Variants in EMSY observed in about 807,000 individuals in gnomAD.
EMSY encodes BRCA2-interacting transcriptional repressor EMSY.
EMSY carries 26 observed loss-of-function variants against 134.6 expected under a neutral mutation model. The observed-to-expected ratio is 0.19, with a 90% CI of 0.14 to 0.27. EMSY has a LOEUF of 0.27. Ranked by LOEUF, EMSY falls within the 10% of genes least tolerant of loss-of-function variation. EMSY has a pLI of 1.00. For missense variants in EMSY, 1,305 were observed against 1,611.4 expected, an observed-to-expected ratio of 0.81 and a Z score of 3.26; for synonymous variants, 579 against 577.8, an observed-to-expected ratio of 1.00 and a Z score of -0.03.
intron 7 of EMSY, among the ~76,000 whole-genome samples, chr11:76,469,902 A>C (rs1948506152): frequency 6.6e-6 from 1 of 152,214 alleles, no homozygotes; most frequent in African/African-American, 2.4e-5. Context: ...TTGCTGATCA[A>C]GTCTATCTAT....
chr11:76,463,640 A>G (rs893782114), intron 6 of EMSY, among the ~76,000 whole-genome samples, 181 bp from the exon 8 acceptor site: 12 of 151,184 alleles, frequency 7.9e-5, no homozygotes, highest in Admixed American at 2.6e-4. Flanking sequence ...AAAAAAAAAA[A>G]AAAAAAAAGA....
rs1202401437 is a variant in EMSY, at chr11:76,458,361, G to A, written c.421+3G>A. ...TGCAGAAACAGGAAGCAAGGAAGGT[G>A]AGTAGAAAAATATGCCTGTGTTAGA... On this transcript the variant is annotated splice_donor_region_variant and intron_variant, in intron 5 of 20. Coordinates refer to ENST00000334736, the Ensembl canonical transcript of EMSY. The A allele has an allele frequency of 5.6e-6, 9 of 1,595,472 alleles. No individual in the cohort carries two copies. Among genetic ancestry groups the A allele is most frequent in the East Asian group, 2.3e-5 (1 of 44,144 alleles).
At chr11:76,536,106 A>G (rs1565357778) in intron 15 of EMSY, 47 bp downstream of exon 16, 5 of 1,305,532 alleles carry the variant, frequency 3.8e-6, no homozygotes, top group Non-Finnish European at 5.0e-6. Context: ...TTCTCTAGAG[A>G]CGGGTTGTGC....
Position 76,539,589 on chromosome 11 carries a change from A to T in EMSY, c.2516-10A>T. ...AAGACTATGATTTCTTCCCTTACTT[A>T]TCCTTTCAGAACGCACTGATGAGGG... On this transcript the variant is annotated splice_polypyrimidine_tract_variant and intron_variant, in intron 16 of 20. Transcript: ENST00000334736. 1.2e-6 allele frequency: 2 copies of T among 1,613,610 alleles called. No homozygotes were observed. Among genetic ancestry groups the T allele is most frequent in the Non-Finnish European group, 1.7e-6 (2 of 1,179,578 alleles).
intron 12 of EMSY, 63 bp from the exon 14 acceptor site, chr11:76,526,399 G>A: frequency 8.0e-7 from 1 of 1,254,916 alleles, no homozygotes; most frequent in Non-Finnish European, 1.1e-6. Flanking sequence ...TGATTTTTCA[G>A]TGAGAGGACT....
chr11:76,484,676 T>C (rs1299895675), intron 8 of EMSY, among the ~76,000 whole-genome samples: 1 of 152,172 alleles, frequency 6.6e-6, no homozygotes, highest in Non-Finnish European at 1.5e-5. Flanking sequence ...GGCTCATGCC[T>C]GTAACCTGCA....
intron 2 of EMSY, among the ~76,000 whole-genome samples, chr11:76,450,190 A>G (rs1947601053): frequency 1.3e-5 from 2 of 151,916 alleles, no homozygotes; most frequent in South Asian, 2.1e-4. Context: ...ACCATTTGGT[A>G]TATATAATGG....
exon 19 of EMSY, chr11:76,544,812 C>T (rs539816008): frequency 1.9e-5 from 31 of 1,613,862 alleles, no homozygotes; most frequent in Middle Eastern, 1.7e-4. Context: ...GAGAAACAGA[C>T]GGCAAGCCAG....
chr11:76,471,991 G>A (rs1013273873), intron 7 of EMSY, among the ~76,000 whole-genome samples: 2 of 152,080 alleles, frequency 1.3e-5, no homozygotes, highest in African/African-American at 4.8e-5. Context: ...TTACTGAGAG[G>A]TCTTTATTGA....
At chr11:76,450,779 A>C (rs915608642) in intron 2 of EMSY, among the ~76,000 whole-genome samples, 4 of 142,654 alleles carry the variant, frequency 2.8e-5, no homozygotes, top group Non-Finnish European at 6.0e-5. Context: ...GGTGTGAGCC[A>C]TGAAGCCTGG....
At chr11:76,496,155 G>C (rs74680029) in intron 8 of EMSY, 60 bp from the exon 10 acceptor site, 59,869 of 1,514,978 alleles carry the variant, frequency 0.04, 1,313 homozygotes, top group Non-Finnish European at 0.045. Context: ...ATAATAACCA[G>C]AAGTAACTTT....
Position 76,526,690 on chromosome 11 carries a change from T to C in EMSY, c.1995+55T>C, listed in dbSNP as rs1047568986. 2.8e-5 allele frequency: 40 copies of C among 1,442,554 alleles called. No individual in the cohort carries two copies. The Admixed American group carries it at 8.0e-4, about 29-fold the overall frequency. 89.4% of individuals were successfully genotyped at this position (1,442,554 alleles called of 1,614,324 possible). ...GGCTCTTAAATATTTTCAATTCTTA[T>C]AATTCCCGGGTAGAAATTTGAAGGA... On this transcript the variant is annotated intron_variant, in intron 13 of 20. Transcript: ENST00000334736.
chr11:76,446,878 CT>C (rs367735381), intron 1 of EMSY, 21 bp from the exon 2 acceptor site: 55,762 of 1,021,612 alleles, frequency 0.055, no homozygotes, highest in South Asian at 0.081. Flanking sequence ...GGTAATTTGA[CT>C]TTTTTTTTTT....
chr11:76,524,890 C>T (rs906143438), intron 12 of EMSY, among the ~76,000 whole-genome samples: 5 of 152,098 alleles, frequency 3.3e-5, no homozygotes, highest in Non-Finnish European at 7.4e-5. Context: ...TGAAGGTGTG[C>T]ACCTATAGTC....
chr11:76,520,241 G>GC (rs1038998495), intron 11 of EMSY, among the ~76,000 whole-genome samples: 37 of 151,004 alleles, frequency 2.5e-4, no homozygotes, highest in East Asian at 5.8e-4. Flanking sequence ...TCTGACATTT[G>GC]CCCCCCCACC....
chr11:76,523,402 GT>G, intron 12 of EMSY, 111 bp downstream of exon 13: 1 of 1,209,440 alleles, frequency 8.3e-7, no homozygotes, highest in Non-Finnish European at 1.1e-6. Context: ...GAATGGCTTG[GT>G]TTACCACTGC....
chr11:76,545,871 T>G (rs1591031550), exon 20 of EMSY: 12 of 1,614,170 alleles, frequency 7.4e-6, no homozygotes, highest in Non-Finnish European at 1.0e-5. Context: ...CTCCCACAGT[T>G]ACAAAGATAA....
intron 8 of EMSY, among the ~76,000 whole-genome samples, chr11:76,480,616 A>G (rs938003283): frequency 2.6e-5 from 4 of 152,014 alleles, no homozygotes; most frequent in Non-Finnish European, 5.9e-5. Flanking sequence ...TTCTTGGGGG[A>G]GTTGCTGGCA....
intron 9 of EMSY, among the ~76,000 whole-genome samples, chr11:76,507,709 A>G (rs1950128115): frequency 6.6e-6 from 1 of 152,126 alleles, no homozygotes; most frequent in South Asian, 2.1e-4. Context: ...TAATGTTGAT[A>G]TTTTGACCTC....
Sources: gnomAD v4.1 joint callset for allele counts (sites outside exome capture counted in the v4.1 genomes callset) on GRCh38, gnomAD v4.1.1 for gene constraint, MANE v1.5 for transcripts, NCBI Gene and HGNC (gene_info 2026-07-23, HGNC 2026-07-21) for gene names.